The following HIBCH variants were observed in gnomAD, a reference collection of about 807,000 sequenced individuals.
The protein encoded by HIBCH is 3-hydroxyisobutyryl-CoA hydrolase.
A neutral mutation model predicts 58.2 loss-of-function variants in HIBCH; 50 were observed. The ratio of observed to expected loss-of-function variants is 0.86; its 90% CI spans 0.68 to 1.09. The LOEUF is 1.09. HIBCH is among the 50% of genes least tolerant of loss of function. The pLI, the probability that HIBCH is intolerant of heterozygous loss-of-function variation, is 0.00. For synonymous variants in HIBCH, 151 were observed against 146.9 expected, an observed-to-expected ratio of 1.03 and a Z score of -0.20; for missense variants, 450 against 449.7, an observed-to-expected ratio of 1.00 and a Z score of -0.01.
At chr2:190,234,591 T>C (rs1686207274) in intron 11 of HIBCH, among the ~76,000 whole-genome samples, 3 of 152,188 alleles carry the variant, frequency 2.0e-5, no homozygotes, top group Non-Finnish European at 4.4e-5. Context: ...CAATCACACC[T>C]GTAATCCCAG....
chr2:190,290,454 C>T lies in HIBCH; in HGVS notation c.336G>A (p.Lys112=). Residue 112 remains lysine (K), a synonymous_variant, in exon 5 of 14, where the codon AAG becomes AAA. Transcript: ENST00000359678. ...CTTCTCTGAAGAAAACTGGAGCTAT[C>T]TTCTGTTTTGCCTTTTCAGCTTCCG... ...VISEAEKAKQ[K]IAPVFFREEY... 6.2e-7 allele frequency: 1 copy of T among 1,611,916 alleles called. No individual in the cohort carries two copies. The highest frequency in any genetic ancestry group is 1.7e-4 in the Middle Eastern group (1 of 5,982).
chr2:190,314,359 GTATA>G (rs368528695), intron 1 of HIBCH, among the ~76,000 whole-genome samples: 6 of 133,908 alleles, frequency 4.5e-5, no homozygotes, highest in African/African-American at 1.5e-4. Context: ...GTATATATAC[GTATA>G]TATATACGTA....
intron 6 of HIBCH, among the ~76,000 whole-genome samples, chr2:190,266,036 G>A (rs1687225916): frequency 6.6e-6 from 1 of 151,614 alleles, no homozygotes; most frequent in African/African-American, 2.4e-5. Flanking sequence ...GTCATATAAG[G>A]TTACTGCTTA....
downstream of HIBCH, chr2:190,200,867 T>C (rs1277665012): frequency 6.0e-6 from 1 of 167,002 alleles, no homozygotes; most frequent in Non-Finnish European, 1.5e-5. Flanking sequence ...AGAAAACAAG[T>C]AGGGGTACCT....
intron 11 of HIBCH, among the ~76,000 whole-genome samples, chr2:190,240,288 GA>G (rs1686411886): frequency 6.6e-6 from 1 of 152,230 alleles, no homozygotes; most frequent in South Asian, 2.1e-4. Flanking sequence ...TATTTGTGGA[GA>G]GGTGTTTACA....
At chr2:190,274,294 A>G (rs1687487666) in intron 6 of HIBCH, among the ~76,000 whole-genome samples, 1 of 152,236 alleles carries the variant, frequency 6.6e-6, no homozygotes, top group African/African-American at 2.4e-5. Context: ...ACATAATTCA[A>G]TCTTTGAGCA....
chr2:190,244,508 T>C (rs541402138), intron 11 of HIBCH, among the ~76,000 whole-genome samples: 3 of 152,204 alleles, frequency 2.0e-5, no homozygotes, highest in Non-Finnish European at 4.4e-5. Context: ...TATAGATCAA[T>C]GTCCCAATTG....
intron 11 of HIBCH, among the ~76,000 whole-genome samples, chr2:190,223,715 G>C (rs1685800720): frequency 6.6e-6 from 1 of 152,230 alleles, no homozygotes; most frequent in African/African-American, 2.4e-5. Context: ...GAACATGTTA[G>C]AGAAAATCAA....
In HIBCH at chr2:190,243,355, G is replaced by A. The variant is rs773704897; in HGVS notation, c.891+1532C>T. ...CTGGTCCTCATTGCTCCTCAAGCTT[G>A]TAGACAGCCTACTGTGGGACCTTGT... On this transcript the variant is annotated intron_variant, in intron 11 of 13. Transcript: ENST00000359678. The surrounding 1 kb of genome is among the most constrained non-coding windows in gnomAD (Gnocchi z 4.1). Among the ~76,000 whole-genome samples the A allele has an allele frequency of 3.3e-4, 50 of 152,150 alleles. No individual in the cohort carries two copies. Among genetic ancestry groups the A allele is most frequent in the Non-Finnish European group, 5.7e-4 (39 of 68,030 alleles).
chr2:190,250,553 C>A, intron 8 of HIBCH: 1 of 262,514 alleles, frequency 3.8e-6, no homozygotes, highest in Admixed American at 4.6e-5. Flanking sequence ...TGCATCAGCT[C>A]TCTCGTATCC....
intron 8 of HIBCH, 97 bp from the exon 9 acceptor site, chr2:190,249,823 T>C: frequency 1.2e-6 from 1 of 825,742 alleles, no homozygotes; most frequent in Non-Finnish European, 2.0e-6. Flanking sequence ...ATTCTTGACT[T>C]TAAATTATGA....
At chr2:190,238,468 CTT>C (rs1488240785) in intron 11 of HIBCH, among the ~76,000 whole-genome samples, 2 of 151,998 alleles carry the variant, frequency 1.3e-5, no homozygotes, top group African/African-American at 2.4e-5. Flanking sequence ...GTGTAAATGT[CTT>C]TTGTTTGTTT....
chr2:190,223,855 G>A lies in HIBCH; in HGVS notation c.892-10780C>T, dbSNP rs76514621. Reference sequence around the variant, plus strand: ...TCCCAGAGTGAGCAATGTGGAAGATGGGTGATTTCTGTATTTCCAACTGAG... The same window carrying A: ...TCCCAGAGTGAGCAATGTGGAAGATAGGTGATTTCTGTATTTCCAACTGAG... On this transcript the variant is annotated intron_variant, in intron 11 of 13. Coordinates refer to ENST00000359678, the MANE Select transcript of HIBCH (RefSeq NM_014362.4). 6.0e-3 allele frequency among the ~76,000 whole-genome samples: 917 copies of A among 152,342 alleles called. 5 individuals carry two copies. Among genetic ancestry groups the A allele is most frequent in the African/African-American group, 0.021 (863 of 41,574 alleles).
At position 190,197,457 on chromosome 2, in the gene HIBCH, CCAGTACCCTTGCCAAGT is replaced by C. The variant is rs1690032761; in HGVS notation, c.*18-7477_*18-7461del. On this transcript the variant is annotated intron_variant, in intron 1 of 1. Transcript: ENST00000399855. This position sits in a 1 kb window ranked among gnomAD's most constrained non-coding sequence, Gnocchi z 4.0. Reference sequence around the variant, plus strand: ...GATCCTTATCCTGGACATGCACATCCCAGTACCCTTGCCAAGTCTCATGCAGATTTCTGCCTCTCTTC... The same window carrying C: ...GATCCTTATCCTGGACATGCACATCCCTCATGCAGATTTCTGCCTCTCTTC... Among the ~76,000 whole-genome samples, 1 of 152,174 alleles carries C rather than the reference CCAGTACCCTTGCCAAGT, an allele frequency of 6.6e-6. No individual in the cohort carries two copies. Among genetic ancestry groups the C allele is most frequent in the African/African-American group, 2.4e-5 (1 of 41,432 alleles).
At chr2:190,270,886 A>T (rs1171349041) in intron 6 of HIBCH, among the ~76,000 whole-genome samples, 1 of 152,134 alleles carries the variant, frequency 6.6e-6, no homozygotes, top group Non-Finnish European at 1.5e-5. Context: ...TTAATGGACT[A>T]ACACATAGAG....
At chr2:190,268,887 T>C (rs904603685) in intron 6 of HIBCH, among the ~76,000 whole-genome samples, 2 of 152,142 alleles carry the variant, frequency 1.3e-5, no homozygotes. Context: ...AAGAGGTATA[T>C]AGACCAATGG....
intron 7 of HIBCH, among the ~76,000 whole-genome samples, chr2:190,258,202 C>T (rs979594697): frequency 2.6e-5 from 4 of 152,162 alleles, no homozygotes; most frequent in South Asian, 2.1e-4. Context: ...CTGCCAGCCA[C>T]GTGAAGATGC....
intron 13 of HIBCH, among the ~76,000 whole-genome samples, chr2:190,208,462 A>G (rs973703284): frequency 2.0e-5 from 3 of 152,330 alleles, no homozygotes; most frequent in Middle Eastern, 3.4e-3. Context: ...ATAAATTAGG[A>G]AACAGTGGCC....
In HIBCH at chr2:190,217,513, C is replaced by A. The variant is rs1685591849; in HGVS notation, c.892-4438G>T. 6.6e-6 allele frequency among the ~76,000 whole-genome samples: 1 copy of A among 152,148 alleles called. No homozygotes were observed. The highest frequency in any genetic ancestry group is 1.9e-4 in the East Asian group (1 of 5,174). On this transcript the variant is annotated intron_variant, in intron 11 of 13. Coordinates refer to ENST00000359678, the MANE Select transcript of HIBCH (RefSeq NM_014362.4). The surrounding 1 kb of genome is among the most constrained non-coding windows in gnomAD (Gnocchi z 4.6). ...AAAAAAACAGACTACTGGAAAAAGACCTCCTGGGTTAAGGCCATATTTAAG... is the reference window on the plus strand; with the variant it reads ...AAAAAAACAGACTACTGGAAAAAGAACTCCTGGGTTAAGGCCATATTTAAG...
Sources: gnomAD v4.1 joint callset for allele counts (sites outside exome capture counted in the v4.1 genomes callset) on GRCh38, gnomAD v4.1.1 for gene constraint, Gnocchi (gnomAD v3.1) non-coding constraint, MANE v1.5 for transcripts, NCBI Gene and HGNC (gene_info 2026-07-23, HGNC 2026-07-21) for gene names.